SORCS3: variants seen among roughly 807,000 people sequenced by gnomAD.
The protein encoded by SORCS3 is sortilin related VPS10 domain containing receptor 3, also known as VPS10 domain-containing receptor SorCS3.
In SORCS3, 57 loss-of-function variants were observed where a neutral mutation model predicts 146.3. The observed-to-expected ratio is 0.39, with a 90% confidence interval of 0.31 to 0.49. The LOEUF is 0.49. Ranked by LOEUF, SORCS3 falls within the 20% of genes least tolerant of loss-of-function variation. The pLI is 0.92. For synonymous variants in SORCS3, 653 were observed against 618.5 expected, an observed-to-expected ratio of 1.06 and a Z score of -0.83; for missense variants, 1,341 against 1,575.5, an observed-to-expected ratio of 0.85 and a Z score of 2.52.
At chr10:104,963,979 A>G (rs1033045440) in intron 3 of SORCS3, among the ~76,000 whole-genome samples, 1 of 152,118 alleles carries the variant, frequency 6.6e-6, no homozygotes, top group Non-Finnish European at 1.5e-5. Flanking sequence ...AAATACACCC[A>G]GAAACTGACC....
chr10:104,876,813 C>G (rs911821952), intron 2 of SORCS3, among the ~76,000 whole-genome samples: 2 of 143,326 alleles, frequency 1.4e-5, no homozygotes, highest in Non-Finnish European at 3.0e-5. Flanking sequence ...TTCTCTTTCT[C>G]TCCTTCTTTC....
chr10:105,206,114 A>G (rs1373968657), intron 16 of SORCS3, among the ~76,000 whole-genome samples: 1 of 152,198 alleles, frequency 6.6e-6, no homozygotes. Flanking sequence ...ATGGAGCACA[A>G]GCAAGGATGT....
At chr10:104,853,099 A>G (rs571297060) in intron 2 of SORCS3, among the ~76,000 whole-genome samples, 2 of 152,358 alleles carry the variant, frequency 1.3e-5, no homozygotes, top group East Asian at 3.9e-4. Flanking sequence ...GGAGTTCCAG[A>G]CCAGCCTGAC....
Position 104,757,768 on chromosome 10 carries a change from T to G in SORCS3, c.628-85024T>G, listed in dbSNP as rs150158032. Among the ~76,000 whole-genome samples, 5 of 152,226 alleles carry G rather than the reference T, an allele frequency of 3.3e-5. No individual in the cohort carries two copies. In the East Asian group the frequency reaches 9.7e-4, roughly 29 times the overall value. ...AGATTTCTGTTCTTAAATCCTAGCA[T>G]TAAATGGAGGTGTTTTCATTTTCTC... is the stretch of plus-strand genomic sequence containing the variant. On this transcript the variant is annotated intron_variant, in intron 1 of 26. Coordinates refer to ENST00000369701, the MANE Select transcript of SORCS3 (RefSeq NM_014978.3).
rs1292713900 is a variant in SORCS3 at position 104,696,340 on chromosome 10, ATG to A, written c.627+54387_627+54388del. 8.6e-3 allele frequency among the ~76,000 whole-genome samples: 66 copies of A among 7,696 alleles called. 14 individuals carry two copies. The highest frequency in any genetic ancestry group is 0.019 in the African/African-American group (26 of 1,376). The allele number at this position is 7,696 out of a possible 152,430, so 5.0% of individuals were successfully genotyped here. A position where few individuals can be genotyped will look rare whatever the true frequency, so the allele number is the denominator to read the frequency against. On this transcript the variant is annotated intron_variant, in intron 1 of 26. Transcript: ENST00000369701. ...TATATATCATATACACATATGATAT[ATG>A]ATATATATCATATATATATCATATA...
intron 4 of SORCS3, among the ~76,000 whole-genome samples, chr10:105,033,894 G>A (rs1341357976): frequency 1.3e-5 from 2 of 152,048 alleles, no homozygotes; most frequent in East Asian, 1.9e-4. Context: ...TTACAAATTC[G>A]GAAAAGGAAG....
intron 14 of SORCS3, among the ~76,000 whole-genome samples, chr10:105,191,185 G>C (rs1214287984): frequency 6.6e-6 from 1 of 152,194 alleles, no homozygotes; most frequent in Non-Finnish European, 1.5e-5. Context: ...AAGAGAATAA[G>C]ACACTTATGT....
chr10:105,256,759 C>A, intron 24 of SORCS3, 60 bp from the exon 25 acceptor site: 2 of 1,303,674 alleles, frequency 1.5e-6, no homozygotes, highest in East Asian at 2.3e-5. Flanking sequence ...ATACTCCCTC[C>A]AGCTAACAGC....
chr10:105,217,853 T>C (rs1423341357), intron 19 of SORCS3: 1 of 454,068 alleles, frequency 2.2e-6, no homozygotes, highest in Admixed American at 2.3e-5. Context: ...GGATGTCGGG[T>C]CGAGGAAATG....
intron 20 of SORCS3, among the ~76,000 whole-genome samples, chr10:105,230,785 T>C (rs538894495): frequency 6.6e-6 from 1 of 152,304 alleles, no homozygotes; most frequent in African/African-American, 2.4e-5. Flanking sequence ...GTAGTCGCTG[T>C]TGGGCCCCAG....
intron 2 of SORCS3, among the ~76,000 whole-genome samples, chr10:104,881,609 A>G (rs1251973387): frequency 6.6e-6 from 1 of 152,194 alleles, no homozygotes; most frequent in East Asian, 1.9e-4. Context: ...TTATATTAAG[A>G]ATGGAAGGGT....
intron 1 of SORCS3, among the ~76,000 whole-genome samples, chr10:104,700,299 T>C (rs2133430057): frequency 6.6e-6 from 1 of 152,332 alleles, no homozygotes; most frequent in East Asian, 1.9e-4. Context: ...GCTTCAGTCA[T>C]GGCTGGAGCC....
intron 1 of SORCS3, among the ~76,000 whole-genome samples, chr10:104,765,668 G>A (rs1373816246): frequency 6.6e-6 from 1 of 152,212 alleles, no homozygotes; most frequent in Non-Finnish European, 1.5e-5. Flanking sequence ...CATGCCGTTG[G>A]ATGGGGAGAA....
rs188107087 is a variant in SORCS3 at position 104,720,247 on chromosome 10, A to G, written c.627+78293A>G. Among the ~76,000 whole-genome samples, 255 of 152,134 alleles carry G rather than the reference A, an allele frequency of 1.7e-3. 6 individuals carry two copies. In the East Asian group the frequency reaches 0.04, roughly 24 times the overall value. On this transcript the variant is annotated intron_variant, in intron 1 of 26. Coordinates refer to ENST00000369701, the MANE Select transcript of SORCS3 (RefSeq NM_014978.3). ...CGGTGTTTGGTTTTTTGTCCTTGCA[A>G]TAGTTTGCTGAGAATGATGATTTCC...
chr10:105,052,231 A>C (rs1314282011), intron 5 of SORCS3, among the ~76,000 whole-genome samples: 1 of 152,188 alleles, frequency 6.6e-6, no homozygotes, highest in Non-Finnish European at 1.5e-5. Flanking sequence ...ATTTGTGTGC[A>C]TTAAACATGG....
At chr10:104,713,891 T>C (rs1378639640) in intron 1 of SORCS3, among the ~76,000 whole-genome samples, 1 of 152,186 alleles carries the variant, frequency 6.6e-6, no homozygotes, top group Non-Finnish European at 1.5e-5. Context: ...GGCCTGGTGA[T>C]TTCTTTTTTG....
At chr10:104,778,665 C>T (rs894193968) in intron 1 of SORCS3, among the ~76,000 whole-genome samples, 10 of 152,174 alleles carry the variant, frequency 6.6e-5, no homozygotes, top group East Asian at 3.9e-4. Context: ...ACCCAACGGT[C>T]GTCAACCACT....
chr10:104,676,440 T>C (rs540747499), intron 1 of SORCS3, among the ~76,000 whole-genome samples: 4 of 152,152 alleles, frequency 2.6e-5, no homozygotes, highest in African/African-American at 4.8e-5. Context: ...AAAGCTAATA[T>C]GTAGAAGGAA....
chr10:105,245,517 T>C (rs2056860313), intron 20 of SORCS3, 25 bp from the exon 21 acceptor site: 7 of 1,612,240 alleles, frequency 4.3e-6, no homozygotes, highest in Middle Eastern at 1.7e-4. Context: ...CAAGACTGAA[T>C]GAGTATTGTT....
Sources: gnomAD v4.1 joint callset for allele counts (sites outside exome capture counted in the v4.1 genomes callset) on GRCh38, gnomAD v4.1.1 for gene constraint, MANE v1.5 for transcripts, NCBI Gene and HGNC (gene_info 2026-07-23, HGNC 2026-07-21) for gene names.